VPS37A: variants seen among roughly 807,000 people sequenced by gnomAD.
VPS37A encodes vacuolar protein sorting-associated protein 37A.
VPS37A carries 30 observed loss-of-function variants against 49.8 expected under a neutral mutation model. That is an observed-to-expected ratio of 0.60 (90% CI 0.45 to 0.82). The LOEUF (loss-of-function observed/expected upper bound fraction) is 0.82. VPS37A is among the 40% of genes least tolerant of loss of function. The probability of loss-of-function intolerance (pLI) is 0.00; values close to 1 mark genes in which losing one functional copy is unlikely to be tolerated. For missense variants in VPS37A, 593 were observed against 464.4 expected (o/e 1.28, Z -2.55); for synonymous variants, 195 against 160.6 (o/e 1.21, Z -1.62).
chr8:17,265,776 A>T (rs1390255805), intron 1 of VPS37A, 131 bp from the exon 2 acceptor site: 4 of 1,546,192 alleles, frequency 2.6e-6, no homozygotes, highest in Non-Finnish European at 8.8e-7. Context: ...TCAAGATACA[A>T]GTTATGCTGG....
the VPS37A span, chr8:17,313,463 A>T: frequency 1.9e-6 from 2 of 1,079,368 alleles, no homozygotes; most frequent in South Asian, 2.9e-5. Flanking sequence ...ACATATGATC[A>T]TGTTTTATAG....
intron 11 of VPS37A, among the ~76,000 whole-genome samples, chr8:17,293,654 T>A (rs947632452): frequency 6.6e-6 from 1 of 152,216 alleles, no homozygotes. Context: ...ATGGTCGTCA[T>A]TTTTGTTGAT....
At chr8:17,268,736 C>G (rs1813704483) in intron 3 of VPS37A, 120 bp from the exon 4 acceptor site, 3 of 705,126 alleles carry the variant, frequency 4.3e-6, no homozygotes, top group Non-Finnish European at 7.0e-6. Context: ...TGCTAATATC[C>G]TTTTTCATTT....
the VPS37A span, among the ~76,000 whole-genome samples, chr8:17,328,140 T>G: frequency 6.6e-6 from 1 of 152,176 alleles, no homozygotes; most frequent in Non-Finnish European, 1.5e-5. Flanking sequence ...CTAGGTGACC[T>G]CCAAAAGATG....
intron 10 of VPS37A, 27 bp from the exon 11 acceptor site, chr8:17,286,320 T>A (rs773353351): frequency 6.3e-7 from 1 of 1,595,154 alleles, no homozygotes; most frequent in Non-Finnish European, 8.6e-7. Flanking sequence ...TAAAAGTGAC[T>A]GGTATTTTCA....
chr8:17,255,684 CTAAT>C (rs1812386295), intron 1 of VPS37A, among the ~76,000 whole-genome samples: 1 of 152,162 alleles, frequency 6.6e-6, no homozygotes. Flanking sequence ...TTTAAACTCA[CTAAT>C]TAATTTCATT....
At chr8:17,249,511 G>A (rs1039785368) in intron 1 of VPS37A, among the ~76,000 whole-genome samples, 1 of 151,994 alleles carries the variant, frequency 6.6e-6, no homozygotes, top group Admixed American at 6.6e-5. Flanking sequence ...GAGATGTTTC[G>A]CATTTACAAA....
the VPS37A span, among the ~76,000 whole-genome samples, chr8:17,332,306 T>TA: frequency 6.6e-6 from 1 of 152,212 alleles, no homozygotes; most frequent in Non-Finnish European, 1.5e-5. Context: ...TAAAGACACA[T>TA]ATGTTCTTTG....
At chr8:17,291,430 ATT>A (rs34051181) in intron 11 of VPS37A, among the ~76,000 whole-genome samples, 346 of 129,016 alleles carry the variant, frequency 2.7e-3, no homozygotes, top group African/African-American at 5.2e-3. Flanking sequence ...GGATTCATTG[ATT>A]TTTTTTTTTT....
rs993349922 is a variant in VPS37A at position 17,276,568 on chromosome 8, A to T, written c.713+101A>T. 6 of 1,162,182 alleles carry T rather than the reference A, an allele frequency of 5.2e-6. No individual in the cohort carries two copies. In the African/African-American group the frequency reaches 9.4e-5, roughly 18 times the overall value. The allele number at this position is 1,162,182 out of a possible 1,614,324, so 72.0% of individuals were successfully genotyped here. A position where few individuals can be genotyped will look rare whatever the true frequency, so the allele number is the denominator to read the frequency against. The stretch of plus-strand genomic sequence containing the variant: ...ATATAAATTAAAGTTTAAAATTTTC[A>T]CTAATCCTAAACAATATTGTTGTTG... On this transcript the variant is annotated intron_variant, in intron 6 of 11. Transcript: ENST00000324849.
chr8:17,284,422 G>T, intron 9 of VPS37A, 51 bp from the exon 10 acceptor site: 1 of 1,521,006 alleles, frequency 6.6e-7, no homozygotes, highest in East Asian at 2.5e-5. Context: ...TCCCTGTGAG[G>T]AGTTCTTGTG....
At chr8:17,330,237 A>C in the VPS37A span, among the ~76,000 whole-genome samples, 1 of 152,218 alleles carries the variant, frequency 6.6e-6, no homozygotes. Flanking sequence ...GGAAAAAATA[A>C]TTCAGCACCT....
At chr8:17,319,470 A>C in the VPS37A span, among the ~76,000 whole-genome samples, 1 of 152,220 alleles carries the variant, frequency 6.6e-6, no homozygotes, top group African/African-American at 2.4e-5. Context: ...GATCAACAGC[A>C]GAAAGACATC....
the VPS37A span, among the ~76,000 whole-genome samples, chr8:17,310,527 G>T: frequency 6.6e-6 from 1 of 152,118 alleles, no homozygotes; most frequent in South Asian, 2.1e-4. Context: ...GGCAGTGTGT[G>T]ACTGGCAACC....
Position 17,284,492 on chromosome 8 carries a change from T to G in VPS37A, c.989T>G (p.Leu330Arg), listed in dbSNP as rs780488237. 6.4e-5 allele frequency: 102 copies of G among 1,593,800 alleles called. No homozygotes were observed. The South Asian group carries it at 1.1e-3, about 17-fold the overall frequency. ...TTTCAGAGCTGTAGTGCAAGTGCCC[T>G]TCAGGCAAGATTGAAAGTAGCTGCA... ...ELSESCSASA[L>R]QARLKVAAHE... Residue 330 changes from leucine to arginine, a missense_variant, in exon 10 of 12, where the codon CTT (leucine) becomes CGT (arginine). Coordinates refer to ENST00000324849, the MANE Select transcript of VPS37A (RefSeq NM_152415.3).
chr8:17,275,029 G>C, intron 5 of VPS37A, 71 bp downstream of exon 5: 1 of 1,347,986 alleles, frequency 7.4e-7, no homozygotes, highest in Non-Finnish European at 1.0e-6. Flanking sequence ...TTTATTACAT[G>C]CCTCTGTGTG....
the VPS37A span, among the ~76,000 whole-genome samples, chr8:17,323,130 T>G: frequency 6.6e-6 from 1 of 151,640 alleles, no homozygotes; most frequent in Non-Finnish European, 1.5e-5. Flanking sequence ...GTATTTTCAG[T>G]AGAGATGGGG....
chr8:17,299,520 G>GT (rs1049336087), downstream of VPS37A: 5 of 206,972 alleles, frequency 2.4e-5, no homozygotes, highest in Non-Finnish European at 4.9e-5. Context: ...AGGGAAAGGA[G>GT]TGGAGGCTTT....
At chr8:17,280,477 A>AT (rs371282134) in intron 9 of VPS37A, 34 bp downstream of exon 9, 991 of 1,469,660 alleles carry the variant, frequency 6.7e-4, no homozygotes, top group South Asian at 9.6e-4. Flanking sequence ...TTTGCCATAG[A>AT]TTTTTTTTTT....
Sources: allele counts gnomAD v4.1 joint callset (sites outside exome capture counted in the v4.1 genomes callset), GRCh38; gene constraint gnomAD v4.1.1; transcripts MANE v1.5; gene names NCBI Gene and HGNC (gene_info 2026-07-23, HGNC 2026-07-21).